The following CCDC3 variants were observed in gnomAD, a reference collection of about 807,000 sequenced individuals.
CCDC3 encodes the protein coiled-coil domain containing 3, also known as coiled-coil domain-containing protein 3.
A neutral mutation model predicts 21.4 loss-of-function variants in CCDC3; 24 were observed. That is an observed-to-expected ratio of 1.12 (90% CI 0.81 to 1.58). CCDC3 has a LOEUF of 1.58. Among genes scored for constraint, CCDC3 ranks in the 40% most tolerant of loss-of-function variants. The probability of loss-of-function intolerance (pLI) is 0.00; values close to 1 mark genes in which losing one functional copy is unlikely to be tolerated. For synonymous variants in CCDC3, 186 were observed against 166.0 expected (o/e 1.12, Z -0.93); for missense variants, 425 against 360.9 (o/e 1.18, Z -1.44).
intron 4 of CCDC3, among the ~76,000 whole-genome samples, chr10:13,066,391 T>C (rs1350663030): frequency 6.6e-6 from 1 of 152,236 alleles, no homozygotes; most frequent in African/African-American, 2.4e-5. Flanking sequence ...AGCAGATATT[T>C]TTTGACTGCT....
intron 5 of CCDC3, among the ~76,000 whole-genome samples, chr10:13,034,158 A>G (rs1836344920): frequency 6.6e-6 from 1 of 152,224 alleles, no homozygotes; most frequent in Non-Finnish European, 1.5e-5. Flanking sequence ...AATACTATAC[A>G]GCCATAAAGA....
chr10:12,939,715 T>C (rs947810766), intron 2 of CCDC3, among the ~76,000 whole-genome samples: 1 of 151,690 alleles, frequency 6.6e-6, no homozygotes, highest in Non-Finnish European at 1.5e-5. Context: ...ACATGGGGAT[T>C]ATGCAGAAAA....
At chr10:13,007,712 TC>T (rs954397369) in intron 5 of CCDC3, among the ~76,000 whole-genome samples, 9 of 152,308 alleles carry the variant, frequency 5.9e-5, no homozygotes, top group African/African-American at 2.2e-4. Flanking sequence ...TGTCCTTTCT[TC>T]CCAAAATAAT....
At chr10:13,073,652 G>A (rs984482460) in intron 4 of CCDC3, among the ~76,000 whole-genome samples, 2 of 152,012 alleles carry the variant, frequency 1.3e-5, no homozygotes, top group Non-Finnish European at 2.9e-5. Flanking sequence ...CTGCCACCAC[G>A]TTCGGCTAAT....
intron 2 of CCDC3, among the ~76,000 whole-genome samples, chr10:12,961,171 T>A (rs1444037522): frequency 1.3e-5 from 2 of 152,190 alleles, no homozygotes; most frequent in Non-Finnish European, 2.9e-5. Context: ...CCGGCCCACA[T>A]TCTGCCAAGT....
At chr10:12,932,497 T>C (rs1194562156) in intron 2 of CCDC3, among the ~76,000 whole-genome samples, 2 of 152,236 alleles carry the variant, frequency 1.3e-5, no homozygotes, top group Non-Finnish European at 2.9e-5. Context: ...AGGAAAGCAA[T>C]TGACTTTTGT....
At chr10:13,092,110 T>A (rs1336664624) in intron 3 of CCDC3, among the ~76,000 whole-genome samples, 4 of 152,168 alleles carry the variant, frequency 2.6e-5, no homozygotes, top group African/African-American at 9.7e-5. Context: ...ACTGTGAACA[T>A]ACAAAGAAAG....
intron 2 of CCDC3, among the ~76,000 whole-genome samples, chr10:12,925,013 A>G (rs1834513034): frequency 6.6e-6 from 1 of 152,200 alleles, no homozygotes; most frequent in Non-Finnish European, 1.5e-5. Context: ...AGGTGGGGAC[A>G]GTAGATTTAA....
At chr10:12,935,341 C>A (rs1274059604) in intron 2 of CCDC3, among the ~76,000 whole-genome samples, 1 of 152,148 alleles carries the variant, frequency 6.6e-6, no homozygotes, top group Non-Finnish European at 1.5e-5. Flanking sequence ...GTCTCAGCCT[C>A]CCAAGTAGCT....
intron 5 of CCDC3, among the ~76,000 whole-genome samples, chr10:13,028,507 T>C (rs1836254755): frequency 6.6e-6 from 1 of 151,878 alleles, no homozygotes; most frequent in Non-Finnish European, 1.5e-5. Flanking sequence ...GAACAACTCA[T>C]TGGGATTTTG....
In CCDC3 at chr10:12,998,531, G is replaced by T; in HGVS notation, c.375-19C>A. 1 of 1,612,096 alleles carries T rather than the reference G, an allele frequency of 6.2e-7. No homozygotes were observed. Among genetic ancestry groups the T allele is most frequent in the Non-Finnish European group, 8.5e-7 (1 of 1,179,030 alleles). On this transcript the variant is annotated intron_variant, in intron 1 of 2. Coordinates refer to ENST00000378825, the MANE Select transcript of CCDC3 (RefSeq NM_031455.4). ...ATCCATCCTAATGGAGGAAAAAAAG[G>T]CAGACATGTAGGCTAGACAGTCAAG...
chr10:13,084,858 G>T (rs1243910613), intron 3 of CCDC3, among the ~76,000 whole-genome samples: 1 of 152,192 alleles, frequency 6.6e-6, no homozygotes, highest in Non-Finnish European at 1.5e-5. Context: ...GGGTGCAGGG[G>T]CCAGGCTTGT....
intron 5 of CCDC3, among the ~76,000 whole-genome samples, chr10:13,047,525 A>C (rs1361135299): frequency 6.6e-6 from 1 of 152,206 alleles, no homozygotes; most frequent in Non-Finnish European, 1.5e-5. Flanking sequence ...GCAAAGACTA[A>C]AGAAACCTGC....
chr10:13,045,380 C>T (rs905037155), intron 5 of CCDC3, among the ~76,000 whole-genome samples: 1 of 152,144 alleles, frequency 6.6e-6, no homozygotes, highest in African/African-American at 2.4e-5. Context: ...GTGGCTCATG[C>T]CTGTAATCGC....
intron 5 of CCDC3, among the ~76,000 whole-genome samples, chr10:13,011,317 C>G (rs953073503): frequency 2.0e-5 from 3 of 152,104 alleles, no homozygotes; most frequent in Non-Finnish European, 2.9e-5. Context: ...ACTTCTTGAG[C>G]TGATAAGCAA....
intron 5 of CCDC3, among the ~76,000 whole-genome samples, chr10:13,031,694 C>G (rs1458264890): frequency 6.6e-6 from 1 of 152,166 alleles, no homozygotes; most frequent in East Asian, 1.9e-4. Flanking sequence ...AAACTACCAT[C>G]AGAGAATACT....
At chr10:12,909,506 C>CT (rs1475033677) in intron 2 of CCDC3, among the ~76,000 whole-genome samples, 1 of 152,204 alleles carries the variant, frequency 6.6e-6, no homozygotes, top group Non-Finnish European at 1.5e-5. Context: ...CCCATCAGCT[C>CT]TGTAAGCTCC....
intron 2 of CCDC3, among the ~76,000 whole-genome samples, chr10:12,997,098 A>G (rs1398915587): frequency 6.6e-6 from 1 of 152,130 alleles, no homozygotes; most frequent in Non-Finnish European, 1.5e-5. Context: ...AAAACAAAAT[A>G]AAAAAGACAA....
At chr10:13,030,954 C>T (rs565068409) in intron 5 of CCDC3, among the ~76,000 whole-genome samples, 3 of 152,044 alleles carry the variant, frequency 2.0e-5, no homozygotes, top group Admixed American at 6.6e-5. Flanking sequence ...AAAGTTAACA[C>T]GGATATCCAG....
Sources: gnomAD v4.1 joint callset for allele counts (sites outside exome capture counted in the v4.1 genomes callset) on GRCh38, gnomAD v4.1.1 for gene constraint, MANE v1.5 for transcripts, NCBI Gene and HGNC (gene_info 2026-07-23, HGNC 2026-07-21) for gene names.